BANP: variants seen among roughly 807,000 people sequenced by gnomAD.
The protein encoded by BANP is protein BANP.
Under a neutral mutation model 68.1 loss-of-function variants are expected in BANP, and 11 were observed. That is an observed-to-expected ratio of 0.16 (90% CI 0.10 to 0.27). BANP has a LOEUF of 0.27. Among genes scored for constraint, BANP ranks in the 10% least tolerant of loss-of-function variants. The pLI, the probability that BANP is intolerant of heterozygous loss-of-function variation, is 1.00. For synonymous variants in BANP, 329 were observed against 303.2 expected (o/e 1.09, Z -0.88); for missense variants, 504 against 722.7 (o/e 0.70, Z 3.47).
chr16:88,036,729 G>A lies in BANP; in HGVS notation c.1273-1244G>A, dbSNP rs1598719123. Among the ~76,000 whole-genome samples, 1 of 152,128 alleles carries A rather than the reference G, an allele frequency of 6.6e-6. No individual in the cohort carries two copies. The highest frequency in any genetic ancestry group is 1.5e-5 in the Non-Finnish European group (1 of 68,026). Reference sequence around the variant, plus strand: ...CGACATGACCAGGTCACTAAGAAACGTGGTCAGATGGATGGATGGAAGGAA... The same window carrying A: ...CGACATGACCAGGTCACTAAGAAACATGGTCAGATGGATGGATGGAAGGAA... On this transcript the variant is annotated intron_variant, in intron 10 of 13. Transcript: ENST00000682872. This position sits in a 1 kb window ranked among gnomAD's most constrained non-coding sequence, Gnocchi z 4.2.
intron 1 of BANP, among the ~76,000 whole-genome samples, chr16:87,956,214 CTG>C (rs754545502): frequency 2.2e-4 from 34 of 152,356 alleles, no homozygotes; most frequent in Non-Finnish European, 4.0e-4. Context: ...TTGAAAATGA[CTG>C]TAACTCACAG....
At chr16:88,072,610 G>C (rs574570745) in intron 13 of BANP, among the ~76,000 whole-genome samples, 3 of 152,386 alleles carry the variant, frequency 2.0e-5, no homozygotes, top group Admixed American at 1.3e-4. Context: ...ACCTCGGGCT[G>C]CTGTGGCCCT....
At chr16:87,962,054 C>T (rs1388605308) in intron 1 of BANP, among the ~76,000 whole-genome samples, 1 of 151,956 alleles carries the variant, frequency 6.6e-6, no homozygotes, top group African/African-American at 2.4e-5. Flanking sequence ...AGCCTGCCAA[C>T]ATGGTGAAAC....
chr16:88,051,807 T>C (rs2083322002), intron 11 of BANP, among the ~76,000 whole-genome samples: 1 of 152,206 alleles, frequency 6.6e-6, no homozygotes, highest in South Asian at 2.1e-4. Context: ...AAATAGTAAT[T>C]GTTAAATAGA....
chr16:88,056,156 T>C (rs2084947414), intron 11 of BANP, among the ~76,000 whole-genome samples: 1 of 152,218 alleles, frequency 6.6e-6, no homozygotes, highest in Non-Finnish European at 1.5e-5. Context: ...GGAGGGGTCC[T>C]TGTGGCCCCT....
intron 12 of BANP, among the ~76,000 whole-genome samples, chr16:88,069,197 C>T (rs1214897363): frequency 2.0e-5 from 3 of 152,210 alleles, no homozygotes; most frequent in East Asian, 3.9e-4. Context: ...GCAGCTGTGC[C>T]GGCAGCTCCT....
At chr16:88,047,529 C>G (rs2082305044) in intron 11 of BANP, among the ~76,000 whole-genome samples, 1 of 152,172 alleles carries the variant, frequency 6.6e-6, no homozygotes. Context: ...GCTCAAAGAT[C>G]AGTGCCCATG....
intron 13 of BANP, among the ~76,000 whole-genome samples, chr16:88,073,120 C>T (rs999444322): frequency 2.0e-5 from 3 of 152,202 alleles, no homozygotes; most frequent in Non-Finnish European, 2.9e-5. Context: ...CCTCAGCCCT[C>T]GGGAAGAGAG....
intron 2 of BANP, chr16:87,978,717 G>A (rs1031752493): frequency 6.5e-6 from 3 of 464,786 alleles, no homozygotes; most frequent in African/African-American, 6.0e-5. Context: ...GTTTTTAACA[G>A]TAATACCAGT....
chr16:88,054,422 A>C lies in BANP; in HGVS notation c.1312-10845A>C, dbSNP rs375133414. ...ATCACCAACACAACCACCTTAACAA[A>C]CACTACCACCACCACCTCCACCACT... On this transcript the variant is annotated intron_variant, in intron 11 of 13. Transcript: ENST00000682872. Among the ~76,000 whole-genome samples the C allele has an allele frequency of 5.5e-4, 83 of 150,414 alleles. 1 individual carries two copies. Among genetic ancestry groups the C allele is most frequent in the African/African-American group, 9.0e-4 (37 of 41,108 alleles).
chr16:87,995,133 G>C (rs866137925), intron 4 of BANP, among the ~76,000 whole-genome samples: 1 of 152,246 alleles, frequency 6.6e-6, no homozygotes, highest in Non-Finnish European at 1.5e-5. Flanking sequence ...ACCTGTTAGA[G>C]TCCATCAATG....
chr16:88,072,586 G>A (rs115886125), intron 13 of BANP, among the ~76,000 whole-genome samples: 2,789 of 152,350 alleles, frequency 0.018, 84 homozygotes, highest in African/African-American at 0.059. Context: ...GTCTCAGCTC[G>A]GGGCAGAGCC....
At chr16:88,019,568 G>GCCAGCTGTTCCAGCA (rs2075431462) in intron 7 of BANP, among the ~76,000 whole-genome samples, 1 of 64,086 alleles carries the variant, frequency 1.6e-5, no homozygotes, top group Non-Finnish European at 4.4e-5. Context: ...AGCGTGCGGG[G>GCCAGCTGTTCCAGCA]GGCGGGGCGT....
chr16:87,980,422 G>T (rs1274680543), intron 2 of BANP: 1 of 152,716 alleles, frequency 6.5e-6, no homozygotes, highest in Non-Finnish European at 1.5e-5. Flanking sequence ...CACTGTGGCT[G>T]CCCTGAGCTG....
At chr16:88,060,705 G>A (rs928214614) in intron 11 of BANP, among the ~76,000 whole-genome samples, 13 of 152,268 alleles carry the variant, frequency 8.5e-5, no homozygotes, top group East Asian at 1.9e-4. Flanking sequence ...TCAGCCCCTC[G>A]AGGTGTGAAA....
chr16:88,076,289 T>C (rs1204241219), intron 13 of BANP, among the ~76,000 whole-genome samples: 2 of 151,992 alleles, frequency 1.3e-5, no homozygotes, highest in African/African-American at 2.4e-5. Flanking sequence ...GGCAGCGGGT[T>C]GGGGGTGGAG....
chr16:88,050,578 G>A (rs2083022065), intron 11 of BANP, among the ~76,000 whole-genome samples: 3 of 152,346 alleles, frequency 2.0e-5, no homozygotes, highest in Middle Eastern at 3.4e-3. Context: ...GTCTCATCCA[G>A]ACCTGGCGGA....
chr16:88,040,283 C>A (rs567882560), intron 11 of BANP, among the ~76,000 whole-genome samples: 1 of 150,886 alleles, frequency 6.6e-6, no homozygotes, highest in South Asian at 2.1e-4. Context: ...CATCATTTGG[C>A]CAGTTCTCAT....
At chr16:87,997,170 G>T (rs1433139613) in intron 4 of BANP, among the ~76,000 whole-genome samples, 3 of 152,218 alleles carry the variant, frequency 2.0e-5, no homozygotes, top group Non-Finnish European at 4.4e-5. Context: ...TGTTGCCCAG[G>T]CTGGTCTTGA....
Sources: gnomAD v4.1 joint callset for allele counts (sites outside exome capture counted in the v4.1 genomes callset) on GRCh38, gnomAD v4.1.1 for gene constraint, Gnocchi (gnomAD v3.1) non-coding constraint, MANE v1.5 for transcripts, NCBI Gene and HGNC (gene_info 2026-07-23, HGNC 2026-07-21) for gene names.